SHISA6: variants seen among roughly 807,000 people sequenced by gnomAD.
The protein encoded by SHISA6 is shisa family member 6.
A neutral mutation model predicts 47.9 loss-of-function variants in SHISA6; 22 were observed. The observed-to-expected ratio is 0.46, with a 90% confidence interval of 0.33 to 0.66. SHISA6 has a LOEUF of 0.66. Ranked by LOEUF, SHISA6 falls within the 30% of genes least tolerant of loss-of-function variation. The pLI is 0.02. For synonymous variants in SHISA6, 388 were observed against 337.8 expected (o/e 1.15, Z -1.63); for missense variants, 680 against 764.6 (o/e 0.89, Z 1.30).
chr17:11,411,631 A>C (rs1014885259), intron 3 of SHISA6, among the ~76,000 whole-genome samples: 1 of 150,196 alleles, frequency 6.7e-6, no homozygotes, highest in Non-Finnish European at 1.5e-5. Flanking sequence ...TCCTGATCTC[A>C]GATGATCCGC....
chr17:11,379,377 T>C (rs1422805391), intron 2 of SHISA6, 37 bp from the exon 3 acceptor site: 1 of 1,438,220 alleles, frequency 7.0e-7, no homozygotes, highest in Admixed American at 2.2e-5. Context: ...GTTGGTGTCG[T>C]GGATGCGCCA....
At chr17:11,260,770 A>G (rs1253795850) in intron 1 of SHISA6, among the ~76,000 whole-genome samples, 3 of 148,198 alleles carry the variant, frequency 2.0e-5, no homozygotes, top group African/African-American at 7.5e-5. Flanking sequence ...TCCATCTCCC[A>G]TTTCTCTCCT....
chr17:11,269,679 G>GA (rs1419460960), intron 2 of SHISA6, among the ~76,000 whole-genome samples: 2 of 152,174 alleles, frequency 1.3e-5, no homozygotes, highest in Non-Finnish European at 2.9e-5. Context: ...CATCCCCAAA[G>GA]AAACAGAACT....
chr17:11,394,809 T>C (rs1913509435), intron 3 of SHISA6, among the ~76,000 whole-genome samples: 1 of 152,124 alleles, frequency 6.6e-6, no homozygotes, highest in South Asian at 2.1e-4. Flanking sequence ...TATCATTTTC[T>C]ATCTTTTTGC....
chr17:11,532,060 A>T (rs1236377303), intron 3 of SHISA6, among the ~76,000 whole-genome samples: 2 of 152,238 alleles, frequency 1.3e-5, no homozygotes, highest in Non-Finnish European at 2.9e-5. Flanking sequence ...GAAGAAATTC[A>T]GTCAGAAGTC....
intron 3 of SHISA6, among the ~76,000 whole-genome samples, chr17:11,479,585 A>C (rs1916161718): frequency 6.6e-6 from 1 of 152,056 alleles, no homozygotes. Flanking sequence ...TATGTAACAA[A>C]CCTGCATGTT....
At chr17:11,367,428 G>T (rs1912490493) in intron 2 of SHISA6, among the ~76,000 whole-genome samples, 1 of 152,182 alleles carries the variant, frequency 6.6e-6, no homozygotes, top group East Asian at 1.9e-4. Context: ...GTCATGAGTT[G>T]AAGGGCACAG....
At chr17:11,469,484 TTCCTGTTGTTTTATG>T (rs1262215721) in intron 3 of SHISA6, among the ~76,000 whole-genome samples, 2 of 152,172 alleles carry the variant, frequency 1.3e-5, no homozygotes, top group African/African-American at 4.8e-5. Flanking sequence ...AGGTAATAAG[TTCCTGTTGTTTTATG>T]CCACTGAGTT....
chr17:11,362,721 A>G (rs1912328679), intron 2 of SHISA6, among the ~76,000 whole-genome samples: 1 of 152,204 alleles, frequency 6.6e-6, no homozygotes, highest in Admixed American at 6.5e-5. Context: ...TTAAGTGTTC[A>G]ATTAAATGAG....
At chr17:11,368,829 G>A (rs1321263329) in intron 2 of SHISA6, among the ~76,000 whole-genome samples, 1 of 152,068 alleles carries the variant, frequency 6.6e-6, no homozygotes, top group African/African-American at 2.4e-5. Context: ...GCTAATTTTT[G>A]TATTTTTAGT....
At chr17:11,416,094 T>G (rs1597502460) in intron 3 of SHISA6, among the ~76,000 whole-genome samples, 1 of 152,142 alleles carries the variant, frequency 6.6e-6, no homozygotes, top group South Asian at 2.1e-4. Context: ...GGGTGGGCTC[T>G]ACCTTCATGA....
At chr17:11,552,646 TGAGA>T (rs2071941215) in intron 4 of SHISA6, among the ~76,000 whole-genome samples, 1 of 152,224 alleles carries the variant, frequency 6.6e-6, no homozygotes, top group Admixed American at 6.5e-5. Context: ...AAAATTTTAG[TGAGA>T]GAGAAACTCA....
chr17:11,331,139 C>G (rs528426265), intron 2 of SHISA6, among the ~76,000 whole-genome samples: 1 of 152,232 alleles, frequency 6.6e-6, no homozygotes, highest in Non-Finnish European at 1.5e-5. Context: ...GGCCTCTCCA[C>G]GGGATGTGGA....
In SHISA6 at chr17:11,338,711, C is replaced by A. The variant is rs147317290; in HGVS notation, c.800-40703C>A. ...CATTACAGGCGTGAGCCACTACACC[C>A]GGCCACCAGAAGACTTTTAACAAAA... On this transcript the variant is annotated intron_variant, in intron 2 of 5. Coordinates refer to ENST00000441885, the MANE Select transcript of SHISA6 (RefSeq NM_207386.4). Among the ~76,000 whole-genome samples, 9 of 152,214 alleles carry A rather than the reference C, an allele frequency of 5.9e-5. No individual in the cohort carries two copies. In the East Asian group the frequency reaches 1.7e-3, roughly 29 times the overall value.
intron 3 of SHISA6, among the ~76,000 whole-genome samples, chr17:11,478,801 C>T (rs1916139197): frequency 7.5e-6 from 1 of 132,524 alleles, no homozygotes; most frequent in East Asian, 2.2e-4. Context: ...GGTACCAGTA[C>T]CATGCTGTTT....
At chr17:11,294,177 C>T (rs1173599224) in intron 2 of SHISA6, among the ~76,000 whole-genome samples, 3 of 152,182 alleles carry the variant, frequency 2.0e-5, no homozygotes, top group Admixed American at 6.5e-5. Flanking sequence ...AGCCACCATG[C>T]CCGGCTGGTG....
chr17:11,557,029 C>A (rs182961644), intron 5 of SHISA6, among the ~76,000 whole-genome samples: 1 of 152,182 alleles, frequency 6.6e-6, no homozygotes, highest in East Asian at 1.9e-4. Flanking sequence ...CTAAATGAGG[C>A]GCACATGTAA....
intron 3 of SHISA6, among the ~76,000 whole-genome samples, chr17:11,536,303 A>T (rs995078908): frequency 6.6e-6 from 1 of 152,146 alleles, no homozygotes; most frequent in Non-Finnish European, 1.5e-5. Context: ...TCATAGCATT[A>T]CTGGGTAGAT....
chr17:11,404,845 C>G (rs1913896117), intron 3 of SHISA6, among the ~76,000 whole-genome samples: 1 of 152,162 alleles, frequency 6.6e-6, no homozygotes, highest in Non-Finnish European at 1.5e-5. Flanking sequence ...GTTGACTCTG[C>G]TACTACAAGA....
Sources: gnomAD v4.1 joint callset for allele counts (sites outside exome capture counted in the v4.1 genomes callset) on GRCh38, gnomAD v4.1.1 for gene constraint, MANE v1.5 for transcripts, NCBI Gene and HGNC (gene_info 2026-07-23, HGNC 2026-07-21) for gene names.